Variants in GUCY1A2 observed in about 807,000 individuals in gnomAD.
The protein encoded by GUCY1A2 is guanylate cyclase 1 soluble subunit alpha 2.
Under a neutral mutation model 63.5 loss-of-function variants are expected in GUCY1A2, and 27 were observed. The observed-to-expected ratio is 0.43, with a 90% CI of 0.31 to 0.59. The LOEUF is 0.59. Among genes scored for constraint, GUCY1A2 ranks in the 20% least tolerant of loss-of-function variants. The probability of loss-of-function intolerance (pLI) is 0.11; values close to 1 mark genes in which losing one functional copy is unlikely to be tolerated. For missense variants in GUCY1A2, 768 were observed against 913.3 expected, an observed-to-expected ratio of 0.84 and a Z score of 2.05; for synonymous variants, 364 against 343.5, an observed-to-expected ratio of 1.06 and a Z score of -0.66.
intron 6 of GUCY1A2, among the ~76,000 whole-genome samples, chr11:106,746,810 A>T (rs1456596216): frequency 1.3e-5 from 2 of 151,732 alleles, no homozygotes; most frequent in Non-Finnish European, 2.9e-5. Context: ...CTGGCATAGG[A>T]AGCTCTGTCA....
At chr11:106,860,584 A>C (rs1859497629) in intron 4 of GUCY1A2, among the ~76,000 whole-genome samples, 1 of 152,004 alleles carries the variant, frequency 6.6e-6, no homozygotes, top group South Asian at 2.1e-4. Flanking sequence ...ACAACCAAGC[A>C]TATTCAACTA....
At chr11:106,740,848 C>G (rs750082712) in intron 6 of GUCY1A2, among the ~76,000 whole-genome samples, 1 of 151,930 alleles carries the variant, frequency 6.6e-6, no homozygotes, top group African/African-American at 2.4e-5. Flanking sequence ...TAATTTTGCA[C>G]GTTTAGTAGA....
chr11:106,956,640 A>C (rs2120045389), intron 3 of GUCY1A2, among the ~76,000 whole-genome samples: 1 of 152,306 alleles, frequency 6.6e-6, no homozygotes, highest in Non-Finnish European at 1.5e-5. Context: ...GGAGAGCAGT[A>C]AAGATGGGTG....
rs574827968 is a variant in GUCY1A2, at chr11:106,873,651, G to A, written c.1207-63173C>T. Among the ~76,000 whole-genome samples, 4 of 151,952 alleles carry A rather than the reference G, an allele frequency of 2.6e-5. No homozygotes were observed. The South Asian group carries it at 8.3e-4, about 31-fold the overall frequency. On this transcript the variant is annotated intron_variant, in intron 4 of 7. Transcript: ENST00000526355. Reference sequence around the variant, plus strand: ...TTCTTGTAAATTTGTTTAATTCCTTGTAAATTCTGGATATTAGACCTTTGT... The same window carrying A: ...TTCTTGTAAATTTGTTTAATTCCTTATAAATTCTGGATATTAGACCTTTGT...
intron 4 of GUCY1A2, among the ~76,000 whole-genome samples, chr11:106,922,549 CAT>C (rs754520251): frequency 0.033 from 4,733 of 145,534 alleles, 224 homozygotes; most frequent in African/African-American, 0.11. Context: ...CACACACGAA[CAT>C]ATATATATAT....
chr11:106,674,557 T>TA lies in GUCY1A2; in HGVS notation c.*12991_*12992insT, dbSNP rs1429442966. 2.7e-5 allele frequency: 5 copies of TA among 182,122 alleles called. No individual in the cohort carries two copies. Among genetic ancestry groups the TA allele is most frequent in the Non-Finnish European group, 5.8e-5 (5 of 85,620 alleles). 11.3% of individuals were successfully genotyped at this position (182,122 alleles called of 1,614,324 possible). ...AGGTTTAAGAGATGCATTCATTTTTTTAAAAAAACAAAAAATAGTTTGACA... is the reference window on the plus strand; with the variant it reads ...AGGTTTAAGAGATGCATTCATTTTTTATAAAAAAACAAAAAATAGTTTGACA... On this transcript the variant is annotated 3_prime_UTR_variant, in exon 8 of 8. Transcript: ENST00000526355.
At chr11:106,732,325 T>C (rs1352277760) in intron 6 of GUCY1A2, among the ~76,000 whole-genome samples, 1 of 152,186 alleles carries the variant, frequency 6.6e-6, no homozygotes, top group African/African-American at 2.4e-5. Context: ...GCTAGCCATA[T>C]GCAGAAGACT....
intron 6 of GUCY1A2, among the ~76,000 whole-genome samples, chr11:106,742,223 G>A (rs1288120786): frequency 6.6e-6 from 1 of 152,158 alleles, no homozygotes; most frequent in East Asian, 1.9e-4. Context: ...TGCAGGATGT[G>A]CAGGTTTGTT....
chr11:106,777,217 T>C (rs2135402975), intron 5 of GUCY1A2, among the ~76,000 whole-genome samples: 1 of 152,162 alleles, frequency 6.6e-6, no homozygotes, highest in Non-Finnish European at 1.5e-5. Context: ...TTTGGGAGGT[T>C]GAGGCAGCGG....
intron 5 of GUCY1A2, among the ~76,000 whole-genome samples, chr11:106,779,668 C>T (rs1344501006): frequency 1.3e-5 from 2 of 149,874 alleles, no homozygotes; most frequent in Non-Finnish European, 3.0e-5. Context: ...AAAAAAAATG[C>T]ATTGAATTCC....
chr11:106,842,165 C>A (rs959283433), intron 4 of GUCY1A2, among the ~76,000 whole-genome samples: 1 of 151,904 alleles, frequency 6.6e-6, no homozygotes. Flanking sequence ...GCAAGAGATC[C>A]CACAGTGGGC....
At chr11:106,691,986 C>G (rs973976474) in intron 7 of GUCY1A2, among the ~76,000 whole-genome samples, 2 of 152,098 alleles carry the variant, frequency 1.3e-5, no homozygotes, top group African/African-American at 4.8e-5. Context: ...TTTCACACAG[C>G]ATGCCTGTTG....
At chr11:106,697,625 A>G (rs1862742816) in intron 7 of GUCY1A2, among the ~76,000 whole-genome samples, 1 of 152,184 alleles carries the variant, frequency 6.6e-6, no homozygotes, top group Non-Finnish European at 1.5e-5. Context: ...AGGACAATGT[A>G]CACACAATTA....
intron 5 of GUCY1A2, among the ~76,000 whole-genome samples, chr11:106,791,317 A>G (rs535501645): frequency 1.5e-3 from 229 of 152,280 alleles, no homozygotes; most frequent in African/African-American, 5.2e-3. Context: ...CAGTGTACAA[A>G]TTTCTCCATG....
rs537354552 is a variant in GUCY1A2 at position 106,827,193 on chromosome 11, C to T, written c.1207-16715G>A. The T allele has an allele frequency of 3.4e-5, 51 of 1,509,080 alleles. No individual in the cohort carries two copies. In the East Asian group the frequency reaches 4.3e-4, roughly 13 times the overall value. The allele number at this position is 1,509,080 out of a possible 1,614,324, so 93.5% of individuals were successfully genotyped here. On this transcript the variant is annotated intron_variant, in intron 4 of 7. Coordinates refer to ENST00000526355, the MANE Select transcript of GUCY1A2 (RefSeq NM_000855.3). ...AGCCTTCATGCCAATCTGGTCCCAA[C>T]GCACTGCCTACATTATCTGATTTAG...
intron 6 of GUCY1A2, among the ~76,000 whole-genome samples, chr11:106,716,747 C>CGACAGAG (rs1863221391): frequency 8.7e-6 from 1 of 115,528 alleles, no homozygotes; most frequent in Admixed American, 1.3e-4. Flanking sequence ...CCAGCCTGGG[C>CGACAGAG]GACAGAGCCA....
intron 6 of GUCY1A2, among the ~76,000 whole-genome samples, chr11:106,774,809 C>G (rs1864326146): frequency 6.6e-6 from 1 of 152,132 alleles, no homozygotes; most frequent in Non-Finnish European, 1.5e-5. Context: ...CTTGCTTCAT[C>G]TATGTCTAAT....
At chr11:106,949,379 G>A (rs1320381482) in intron 3 of GUCY1A2, among the ~76,000 whole-genome samples, 2 of 152,110 alleles carry the variant, frequency 1.3e-5, no homozygotes, top group Non-Finnish European at 2.9e-5. Flanking sequence ...TCAGTTTCCT[G>A]AACATGCTCA....
rs561153143 is a variant in GUCY1A2, at chr11:106,788,299, G to A, written c.1693-11717C>T. Among the ~76,000 whole-genome samples the A allele has an allele frequency of 2.0e-5, 3 of 151,902 alleles. No homozygotes were observed. The East Asian group carries it at 5.8e-4, about 29-fold the overall frequency. On this transcript the variant is annotated intron_variant, in intron 5 of 7. Coordinates refer to ENST00000526355, the MANE Select transcript of GUCY1A2 (RefSeq NM_000855.3). ...TATTCTGGTTATTAATCTCTTGTTA[G>A]ATGGGTAGTTTGCAAATATTTTCTC... is the stretch of plus-strand genomic sequence containing the variant.
Sources: allele counts gnomAD v4.1 joint callset (sites outside exome capture counted in the v4.1 genomes callset), GRCh38; gene constraint gnomAD v4.1.1; transcripts MANE v1.5; gene names NCBI Gene and HGNC (gene_info 2026-07-23, HGNC 2026-07-21).